TYR: variants seen among roughly 807,000 people sequenced by gnomAD.
TYR encodes LB24-AB.
In TYR, 58 loss-of-function variants were observed where a neutral mutation model predicts 51.5. The ratio of observed to expected loss-of-function variants is 1.13; its 90% CI spans 0.91 to 1.40. The LOEUF is 1.40. TYR is among the 40% of genes most tolerant of loss of function. The probability of loss-of-function intolerance (pLI) is 0.00; values close to 1 mark genes in which losing one functional copy is unlikely to be tolerated. For missense variants in TYR, 732 were observed against 647.4 expected (o/e 1.13, Z -1.42); for synonymous variants, 263 against 235.2 (o/e 1.12, Z -1.08).
chr11:89,271,945 T>C (rs1944593385), intron 3 of TYR, among the ~76,000 whole-genome samples: 1 of 151,908 alleles, frequency 6.6e-6, no homozygotes, highest in Non-Finnish European at 1.5e-5. Flanking sequence ...ATTGAATAAT[T>C]TGTTTCCATC....
chr11:89,196,082 A>C (rs565168456), intron 2 of TYR, among the ~76,000 whole-genome samples: 1 of 152,164 alleles, frequency 6.6e-6, no homozygotes, highest in African/African-American at 2.4e-5. Flanking sequence ...AATGTATAAG[A>C]TTCAAAGAAT....
At chr11:89,259,386 A>G (rs1944431784) in intron 3 of TYR, among the ~76,000 whole-genome samples, 1 of 152,052 alleles carries the variant, frequency 6.6e-6, no homozygotes, top group Admixed American at 6.6e-5. Flanking sequence ...GGTTGACACT[A>G]TTTAAACTTC....
intron 3 of TYR, among the ~76,000 whole-genome samples, chr11:89,268,877 C>G (rs542977216): frequency 6.6e-6 from 1 of 151,974 alleles, no homozygotes; most frequent in East Asian, 2.0e-4. Flanking sequence ...GCCCAGGGTC[C>G]CTGTCAGTCT....
At chr11:89,227,373 C>A (rs1036032886) in intron 2 of TYR, among the ~76,000 whole-genome samples, 2 of 152,132 alleles carry the variant, frequency 1.3e-5, no homozygotes, top group African/African-American at 4.8e-5. Context: ...AAATTTTACG[C>A]TTTCTCTGGA....
chr11:89,286,189 C>G (rs1425805184), intron 4 of TYR, among the ~76,000 whole-genome samples: 2 of 151,766 alleles, frequency 1.3e-5, no homozygotes, highest in African/African-American at 2.4e-5. Flanking sequence ...AAAGAGAAAA[C>G]AAGGCCTTGA....
chr11:89,247,485 TACA>T (rs1361650939), intron 3 of TYR, among the ~76,000 whole-genome samples: 1 of 152,224 alleles, frequency 6.6e-6, no homozygotes, highest in Non-Finnish European at 1.5e-5. Flanking sequence ...AGAATGTTCC[TACA>T]ACAATGTAGC....
intron 2 of TYR, among the ~76,000 whole-genome samples, chr11:89,221,946 T>C (rs958757236): frequency 1.3e-5 from 2 of 152,208 alleles, no homozygotes; most frequent in African/African-American, 4.8e-5. Context: ...CTCATCTTCC[T>C]CAAAGGAAAG....
intron 1 of TYR, among the ~76,000 whole-genome samples, chr11:89,188,818 GTGAT>G: frequency 6.6e-6 from 1 of 152,088 alleles, no homozygotes; most frequent in East Asian, 1.9e-4. Flanking sequence ...TTGCATAAGA[GTGAT>G]TGGTGAGTTT....
Position 89,178,416 on chromosome 11 carries a change from A to T in TYR, c.463A>T (p.Thr155Ser). 2 of 1,613,954 alleles carry T rather than the reference A, an allele frequency of 1.2e-6. No homozygotes were observed. Among genetic ancestry groups the T allele is most frequent in the Non-Finnish European group, 1.7e-6 (2 of 1,179,892 alleles). ...ISSDYVIPIG[T>S]YGQMKNGSTP... ...CTCAGACTATGTCATCCCCATAGGG[A>T]CCTATGGCCAAATGAAAAATGGATC... The change falls in exon 1 of 5, where the codon ACC becomes TCC. Residue 155 changes from threonine (T) to serine (S), a missense_variant. Thr to Ser is a moderately conservative substitution (Grantham distance 58). Coordinates refer to ENST00000263321, the MANE Select transcript of TYR (RefSeq NM_000372.5).
intron 2 of TYR, among the ~76,000 whole-genome samples, chr11:89,212,245 TA>T (rs1038737442): frequency 2.0e-5 from 3 of 152,050 alleles, no homozygotes; most frequent in African/African-American, 7.2e-5. Flanking sequence ...TAAGAAATGA[TA>T]AAGAGGATAT....
At chr11:89,191,080 T>C in intron 1 of TYR, 122 bp from the exon 2 acceptor site, 3 of 844,704 alleles carry the variant, frequency 3.6e-6, no homozygotes, top group East Asian at 5.1e-5. Context: ...TAAAGACACA[T>C]GATTGTAGTA....
chr11:89,214,147 C>A (rs1361064936), intron 2 of TYR, among the ~76,000 whole-genome samples: 3 of 152,144 alleles, frequency 2.0e-5, no homozygotes, highest in Non-Finnish European at 4.4e-5. Context: ...GAACAGGCAA[C>A]CTACAGAACT....
At chr11:89,178,942 A>T (rs1056537579) in intron 1 of TYR, among the ~76,000 whole-genome samples, 170 bp downstream of exon 1, 1 of 152,080 alleles carries the variant, frequency 6.6e-6, no homozygotes, top group African/African-American at 2.4e-5. Flanking sequence ...TTTATAGCAC[A>T]CTTTAGATAT....
chr11:89,207,650 T>A (rs2135266419), intron 2 of TYR, among the ~76,000 whole-genome samples: 1 of 152,212 alleles, frequency 6.6e-6, no homozygotes, highest in East Asian at 1.9e-4. Context: ...GATAAAAGGA[T>A]GCCAAGAAAA....
intron 3 of TYR, among the ~76,000 whole-genome samples, chr11:89,252,506 A>G (rs1212691439): frequency 2.6e-5 from 4 of 151,768 alleles, no homozygotes; most frequent in Non-Finnish European, 5.9e-5. Flanking sequence ...TTCATGAATG[A>G]GTATAGTAGA....
chr11:89,193,898 C>T (rs887291238), intron 2 of TYR, among the ~76,000 whole-genome samples: 1 of 151,916 alleles, frequency 6.6e-6, no homozygotes, highest in African/African-American at 2.4e-5. Flanking sequence ...CAGTCTGAGC[C>T]ATTTTAAGGG....
At position 89,231,982 on chromosome 11, in the gene TYR, C is replaced by T. The variant is rs1276366400; in HGVS notation, c.1184+4012C>T. Among the ~76,000 whole-genome samples the T allele has an allele frequency of 5.0e-5, 6 of 119,320 alleles. 1 individual carries two copies. Among genetic ancestry groups the T allele is most frequent in the Admixed American group, 8.5e-5 (1 of 11,746 alleles). 78.3% of individuals were successfully genotyped at this position (119,320 alleles called of 152,430 possible). ...CCTGGGCAACAGAGTGAGATTCCAT[C>T]TCAAAAAAAAAAAAAAAAAGTAAAT... On this transcript the variant is annotated intron_variant, in intron 3 of 4. Coordinates refer to ENST00000263321, the MANE Select transcript of TYR (RefSeq NM_000372.5).
At chr11:89,263,004 CT>C (rs1944480642) in intron 3 of TYR, among the ~76,000 whole-genome samples, 1 of 151,674 alleles carries the variant, frequency 6.6e-6, no homozygotes, top group Admixed American at 6.6e-5. Flanking sequence ...CTGACTTACT[CT>C]ATGGGGCCAG....
intron 1 of TYR, among the ~76,000 whole-genome samples, chr11:89,181,759 T>C (rs1180577608): frequency 2.0e-5 from 3 of 152,194 alleles, no homozygotes; most frequent in East Asian, 1.9e-4. Context: ...GGTAGGATGA[T>C]TGTCCAAAGT....
Sources: gnomAD v4.1 joint callset for allele counts (sites outside exome capture counted in the v4.1 genomes callset) on GRCh38, gnomAD v4.1.1 for gene constraint, MANE v1.5 for transcripts, NCBI Gene and HGNC (gene_info 2026-07-23, HGNC 2026-07-21) for gene names.